Variants in ZNF765 observed in about 807,000 individuals in gnomAD.
The protein encoded by ZNF765 is zinc finger protein 765.
In ZNF765, 37 loss-of-function variants were observed where a neutral mutation model predicts 44.7. The ratio of observed to expected loss-of-function variants is 0.83; its 90% CI spans 0.64 to 1.09. The LOEUF is 1.09. ZNF765 is among the 50% of genes least tolerant of loss of function. ZNF765 has a pLI of 0.00. For synonymous variants in ZNF765, 201 were observed against 213.7 expected, an observed-to-expected ratio of 0.94 and a Z score of 0.52; for missense variants, 594 against 626.1, an observed-to-expected ratio of 0.95 and a Z score of 0.55.
intron 2 of ZNF765, among the ~76,000 whole-genome samples, chr19:53,399,259 A>G (rs1197924708): frequency 2.1e-5 from 2 of 93,838 alleles, no homozygotes; most frequent in Non-Finnish European, 3.9e-5. Flanking sequence ...AACAGTCCCC[A>G]AAATATATAT....
rs779089742 is a variant in ZNF765 at position 53,408,112 on chromosome 19, C to A, written c.557C>A (p.Thr186Asn). 6 of 1,614,090 alleles carry A rather than the reference C, an allele frequency of 3.7e-6. No homozygotes were observed. The highest frequency in any genetic ancestry group is 5.1e-6 in the Non-Finnish European group (6 of 1,179,958). Reference sequence around the variant, plus strand: ...CAAAGAATTTCTTGTAGGCCTGAAACCCATATTTCTAATGACTATGGGAAT... The same window carrying A: ...CAAAGAATTTCTTGTAGGCCTGAAAACCATATTTCTAATGACTATGGGAAT... ...TAQRISCRPE[T>N]HISNDYGNNF... is the part of the protein sequence containing the mutation. Residue 186 changes from threonine to asparagine, a missense_variant, in exon 4 of 4, where the codon ACC becomes AAC. Physicochemically the swap from Thr to Asn is moderately conservative, Grantham distance 65. Transcript: ENST00000396408.
Position 53,397,938 on chromosome 19 carries a change from T to C in ZNF765, c.-73-5T>C, listed in dbSNP as rs2085686736. On this transcript the variant is annotated splice_polypyrimidine_tract_variant and splice_region_variant and intron_variant, in intron 1 of 3. Transcript: ENST00000396408. ...AGCAATAAACAACATATTTCTAACA[T>C]TCAGGATTGACTTCTAAAGACTCTT... The C allele has an allele frequency of 3.8e-6, 6 of 1,598,822 alleles. No homozygotes were observed. Among genetic ancestry groups the C allele is most frequent in the Admixed American group, 1.7e-5 (1 of 59,384 alleles).
downstream of ZNF765, among the ~76,000 whole-genome samples, chr19:53,413,835 AT>A (rs548139417): frequency 5.3e-4 from 81 of 151,830 alleles, no homozygotes; most frequent in African/African-American, 1.8e-3. Context: ...TGAAAGGAAA[AT>A]AAAAATTACT....
At chr19:53,402,723 C>T (rs1302071602) in intron 3 of ZNF765, among the ~76,000 whole-genome samples, 1 of 152,012 alleles carries the variant, frequency 6.6e-6, no homozygotes, top group Non-Finnish European at 1.5e-5. Flanking sequence ...CCATGTCGGG[C>T]AACTTTTTTA....
intron 3 of ZNF765, among the ~76,000 whole-genome samples, chr19:53,420,457 C>A (rs2147107642): frequency 6.6e-6 from 1 of 152,294 alleles, no homozygotes; most frequent in South Asian, 2.1e-4. Context: ...ACACCTTTTA[C>A]AAAACTCACC....
intron 3 of ZNF765, among the ~76,000 whole-genome samples, chr19:53,421,355 T>A (rs1179234666): frequency 1.3e-5 from 2 of 152,182 alleles, no homozygotes; most frequent in Admixed American, 6.5e-5. Flanking sequence ...CAGGACCTCC[T>A]TATGCTGAGT....
exon 4 of ZNF765, chr19:53,426,209 G>A (rs1387086804): frequency 6.5e-6 from 1 of 153,056 alleles, no homozygotes; most frequent in Non-Finnish European, 1.5e-5. Flanking sequence ...AGAGGCCCCG[G>A]AGCTGGGTGA....
rs767763234 is a variant in ZNF765, at chr19:53,410,728, C to G, written c.*1601C>G. The G allele has an allele frequency of 2.4e-6, 1 of 425,098 alleles. No individual in the cohort carries two copies. The highest frequency in any genetic ancestry group is 2.0e-5 in the African/African-American group (1 of 48,858). The allele number at this position is 425,098 out of a possible 1,614,324, so 26.3% of individuals were successfully genotyped here. On this transcript the variant is annotated 3_prime_UTR_variant, in exon 4 of 4. Transcript: ENST00000396408. ...ACATTGTTCATAACTTGCAGTTCATCGGCGAACTCGTACTGGAGAGAAACC... is the reference window on the plus strand; with the variant it reads ...ACATTGTTCATAACTTGCAGTTCATGGGCGAACTCGTACTGGAGAGAAACC...
At chr19:53,426,879 A>G (rs2085942988) in exon 4 of ZNF765, 1 of 151,694 alleles carries the variant, frequency 6.6e-6, no homozygotes, top group Non-Finnish European at 1.5e-5. Flanking sequence ...CACGTGGTTG[A>G]GAAGCATCAG....
rs1157798492 is a variant in ZNF765, at chr19:53,420,188, T to C, written c.143-2874T>C. On this transcript the variant is annotated intron_variant, in intron 3 of 3. Transcript: ENST00000594030. ...CTCTACTAAAAATACAAAAATTAGCTTGGCGTGGTGGCGCATGCCTGTAAT... is the reference window on the plus strand; with the variant it reads ...CTCTACTAAAAATACAAAAATTAGCCTGGCGTGGTGGCGCATGCCTGTAAT... 3.3e-5 allele frequency among the ~76,000 whole-genome samples: 5 copies of C among 151,836 alleles called. No homozygotes were observed. In the South Asian group the frequency reaches 1.0e-3, roughly 32 times the overall value.
chr19:53,420,027 A>C (rs1313198406), intron 3 of ZNF765, among the ~76,000 whole-genome samples: 1 of 146,940 alleles, frequency 6.8e-6, no homozygotes, highest in East Asian at 2.1e-4. Flanking sequence ...TCTCAAAAAT[A>C]ATAATAAAAT....
In ZNF765 at chr19:53,419,254, A is replaced by G. The variant is rs375251467; in HGVS notation, c.143-3808A>G. On this transcript the variant is annotated intron_variant, in intron 3 of 3. Coordinates refer to the ZNF765 transcript ENST00000594030. ...CATAGAAAGAGTTTTAAGGATAATTAGAAGTATGCCCTTATGACCCACATA... is the reference window on the plus strand; with the variant it reads ...CATAGAAAGAGTTTTAAGGATAATTGGAAGTATGCCCTTATGACCCACATA... Among the ~76,000 whole-genome samples the G allele has an allele frequency of 3.3e-5, 5 of 152,204 alleles. No individual in the cohort carries two copies. The East Asian group carries it at 5.8e-4, about 18-fold the overall frequency.
chr19:53,400,670 A>G (rs534221588), intron 2 of ZNF765, among the ~76,000 whole-genome samples: 99 of 151,724 alleles, frequency 6.5e-4, no homozygotes, highest in African/African-American at 2.2e-3. Context: ...TATTTTGAAC[A>G]ACTTTTCCAT....
downstream of ZNF765, among the ~76,000 whole-genome samples, chr19:53,414,251 AAAAG>A (rs1305477906): frequency 4.0e-5 from 6 of 150,218 alleles, no homozygotes; most frequent in East Asian, 9.8e-4. Flanking sequence ...AAAAAAAAAA[AAAAG>A]AAACTTGCAG....
chr19:53,405,916 T>TATATAC (rs2085769335), intron 3 of ZNF765, among the ~76,000 whole-genome samples: 1 of 57,334 alleles, frequency 1.7e-5, no homozygotes, highest in African/African-American at 9.2e-5. Context: ...TATATATATA[T>TATATAC]ATATATATAT....
chr19:53,408,018 C>T lies in ZNF765; in HGVS notation c.463C>T (p.His155Tyr), dbSNP rs1193509873. 1.2e-6 allele frequency: 2 copies of T among 1,614,204 alleles called. No individual in the cohort carries two copies. The highest frequency in any genetic ancestry group is 1.7e-6 in the Non-Finnish European group (2 of 1,180,022). ...HSHLPELHIF[H>Y]TEEKIDNQVV... ...GCATCTGCCTGAACTGCACATATTT[C>T]ACACTGAAGAGAAAATTGATAATCA... The change falls in exon 4 of 4, where the codon CAC (histidine) becomes TAC (tyrosine). Residue 155 changes from histidine to tyrosine, a missense_variant. Around this residue, in one of 2 missense-constraint regions of ZNF765, gnomAD observed 567 missense variants for 572.6 expected, o/e 0.99. Transcript: ENST00000396408.
exon 4 of ZNF765, chr19:53,424,620 C>A (rs532817547): frequency 6.6e-6 from 1 of 151,366 alleles, no homozygotes; most frequent in African/African-American, 2.4e-5. Flanking sequence ...GCAGCGAATT[C>A]TCACCCAAAC....
intron 3 of ZNF765, among the ~76,000 whole-genome samples, chr19:53,407,083 C>T (rs1427998821): frequency 6.6e-6 from 1 of 152,054 alleles, no homozygotes; most frequent in Non-Finnish European, 1.5e-5. Context: ...GCAATCTCAG[C>T]TCACTGCAAC....
intron 3 of ZNF765, among the ~76,000 whole-genome samples, chr19:53,419,072 A>G (rs56068527): frequency 0.05 from 7,605 of 152,154 alleles, 283 homozygotes; most frequent in Non-Finnish European, 0.077. Flanking sequence ...TAGACCCTAT[A>G]CCAGTCCCTG....
Sources: allele counts gnomAD v4.1 joint callset (sites outside exome capture counted in the v4.1 genomes callset), GRCh38; gene constraint gnomAD v4.1.1; regional missense constraint gnomAD v4.1.1; transcripts MANE v1.5; gene names NCBI Gene and HGNC (gene_info 2026-07-23, HGNC 2026-07-21).